Variants in ZBBX observed in about 807,000 individuals in gnomAD.
The protein encoded by ZBBX is zinc finger B-box domain containing.
In ZBBX, 101 loss-of-function variants were observed where a neutral mutation model predicts 108.5. The observed-to-expected ratio is 0.93, with a 90% confidence interval of 0.79 to 1.10. The LOEUF is 1.10. Ranked by LOEUF, ZBBX falls within the 50% of genes least tolerant of loss-of-function variation. ZBBX has a pLI of 0.00. For missense variants in ZBBX, 1,009 were observed against 941.4 expected, an observed-to-expected ratio of 1.07 and a Z score of -0.94; for synonymous variants, 356 against 323.4, an observed-to-expected ratio of 1.10 and a Z score of -1.08.
chr3:167,368,663 A>G (rs1273687728), intron 4 of ZBBX, 89 bp from the exon 5 acceptor site: 1 of 1,319,780 alleles, frequency 7.6e-7, no homozygotes, highest in Non-Finnish European at 9.9e-7. Flanking sequence ...AATTAGAATC[A>G]TGAATAATAA....
chr3:167,202,874 T>G, the ZBBX span, among the ~76,000 whole-genome samples: 1 of 152,236 alleles, frequency 6.6e-6, no homozygotes, highest in Non-Finnish European at 1.5e-5. Context: ...ATTATTTCAT[T>G]AATTCTCAAC....
At chr3:167,358,670 C>T (rs1239825930) in intron 8 of ZBBX, among the ~76,000 whole-genome samples, 2 of 152,010 alleles carry the variant, frequency 1.3e-5, no homozygotes, top group African/African-American at 4.8e-5. Flanking sequence ...GGCGTGGTGG[C>T]TCACACCTGT....
At chr3:167,305,227 C>T (rs114837615) in intron 17 of ZBBX, among the ~76,000 whole-genome samples, 2,117 of 152,214 alleles carry the variant, frequency 0.014, 26 homozygotes, top group South Asian at 0.026. Flanking sequence ...CTTATACTTA[C>T]ATTAAACCAC....
chr3:167,201,821 C>T, the ZBBX span, among the ~76,000 whole-genome samples: 7 of 152,084 alleles, frequency 4.6e-5, no homozygotes, highest in South Asian at 4.1e-4. Flanking sequence ...CATTGCCTGA[C>T]GGGATGGAAA....
At chr3:167,323,402 A>G (rs1237736820) in intron 11 of ZBBX, among the ~76,000 whole-genome samples, 2 of 152,102 alleles carry the variant, frequency 1.3e-5, no homozygotes, top group African/African-American at 2.4e-5. Context: ...GCACATTCCC[A>G]AGAAATAAAG....
chr3:167,326,342 A>C (rs1737379676), intron 11 of ZBBX, among the ~76,000 whole-genome samples: 1 of 152,246 alleles, frequency 6.6e-6, no homozygotes, highest in South Asian at 2.1e-4. Flanking sequence ...ATTGAAAAAC[A>C]TGTACCAAAA....
chr3:167,259,606 G>A lies in ZBBX; in HGVS notation c.2255-16963C>T, dbSNP rs1223649000. 4.6e-5 allele frequency among the ~76,000 whole-genome samples: 7 copies of A among 152,004 alleles called. No individual in the cohort carries two copies. The East Asian group carries it at 5.8e-4, about 13-fold the overall frequency. On this transcript the variant is annotated intron_variant, in intron 20 of 21. Transcript: ENST00000675490. ...CTCTTTCAGTCTTTTTGATATAGGC[G>A]TTCAGGGCTATGAACTTTCCTCTTA...
intron 20 of ZBBX, among the ~76,000 whole-genome samples, chr3:167,264,510 TTAAAC>T (rs1463089375): frequency 7.2e-5 from 11 of 152,312 alleles, no homozygotes; most frequent in Non-Finnish European, 1.0e-4. Flanking sequence ...ACTCTATACT[TTAAAC>T]TATGAACCTG....
intron 20 of ZBBX, among the ~76,000 whole-genome samples, chr3:167,257,984 A>G (rs551859812): frequency 6.6e-6 from 1 of 152,138 alleles, no homozygotes; most frequent in South Asian, 2.1e-4. Context: ...CCTTCTGCTG[A>G]GCAAAAACTC....
intron 8 of ZBBX, among the ~76,000 whole-genome samples, chr3:167,354,590 C>G (rs1676026186): frequency 6.6e-6 from 1 of 151,760 alleles, no homozygotes; most frequent in African/African-American, 2.4e-5. Flanking sequence ...AAAACATTAT[C>G]CTAAATCCGT....
chr3:167,318,851 T>G (rs985876149), intron 12 of ZBBX, among the ~76,000 whole-genome samples: 2 of 151,864 alleles, frequency 1.3e-5, no homozygotes, highest in Admixed American at 6.6e-5. Context: ...GGACATTAGT[T>G]ATAAATGAAT....
At chr3:167,260,552 T>C (rs1228962218) in intron 20 of ZBBX, among the ~76,000 whole-genome samples, 2 of 152,212 alleles carry the variant, frequency 1.3e-5, no homozygotes, top group Non-Finnish European at 2.9e-5. Flanking sequence ...TTTGTCTTTG[T>C]TGGATTGGGT....
the ZBBX span, among the ~76,000 whole-genome samples, chr3:167,226,687 T>C: frequency 6.6e-6 from 1 of 151,778 alleles, no homozygotes; most frequent in African/African-American, 2.4e-5. Context: ...ATCTTTTTCA[T>C]GTAGTCTTTT....
chr3:167,274,749 T>G (rs1379875684), intron 20 of ZBBX, among the ~76,000 whole-genome samples: 4 of 152,058 alleles, frequency 2.6e-5, no homozygotes, highest in Admixed American at 6.6e-5. Flanking sequence ...GTACCTCACG[T>G]CCCCCTCCTT....
intron 20 of ZBBX, among the ~76,000 whole-genome samples, chr3:167,258,367 T>G (rs1313803392): frequency 6.6e-6 from 1 of 152,166 alleles, no homozygotes. Flanking sequence ...ATTTGATTTT[T>G]GTATAAGGTG....
chr3:167,223,819 G>A, the ZBBX span, among the ~76,000 whole-genome samples: 10 of 151,820 alleles, frequency 6.6e-5, no homozygotes, highest in Non-Finnish European at 1.2e-4. Flanking sequence ...TGTTCTTAGC[G>A]AGCCCCAAGA....
At chr3:167,306,634 A>T (rs1419162170) in intron 16 of ZBBX, among the ~76,000 whole-genome samples, 1 of 152,182 alleles carries the variant, frequency 6.6e-6, no homozygotes, top group Non-Finnish European at 1.5e-5. Flanking sequence ...CTGAGAGTGG[A>T]ACTCAGGCAT....
chr3:167,269,015 G>A (rs1390663872), intron 20 of ZBBX, among the ~76,000 whole-genome samples: 1 of 152,172 alleles, frequency 6.6e-6, no homozygotes, highest in Non-Finnish European at 1.5e-5. Flanking sequence ...GACAAGAGAG[G>A]TGTTACAGAT....
intron 1 of ZBBX, among the ~76,000 whole-genome samples, chr3:167,398,122 G>C (rs1324803308): frequency 1.3e-5 from 2 of 151,956 alleles, no homozygotes; most frequent in Admixed American, 1.3e-4. Flanking sequence ...TCATAGAGCT[G>C]TTCAGTCAAG....
Sources: gnomAD v4.1 joint callset for allele counts (sites outside exome capture counted in the v4.1 genomes callset) on GRCh38, gnomAD v4.1.1 for gene constraint, MANE v1.5 for transcripts, NCBI Gene and HGNC (gene_info 2026-07-23, HGNC 2026-07-21) for gene names.